Variants in DACH1 observed in about 807,000 individuals in gnomAD.
DACH1 encodes dachshund family transcription factor 1, also known as dachshund homolog 1.
DACH1 carries 12 observed loss-of-function variants against 54.2 expected under a neutral mutation model. The observed-to-expected ratio is 0.22, with a 90% CI of 0.14 to 0.36. The LOEUF (loss-of-function observed/expected upper bound fraction) is 0.36, where lower values mean the gene tolerates loss of function less well. DACH1 is among the 10% of genes least tolerant of loss of function. The pLI is 1.00. For missense variants in DACH1, 805 were observed against 929.8 expected (o/e 0.87, Z 1.75); for synonymous variants, 386 against 366.2 (o/e 1.05, Z -0.62).
intron 10 of DACH1, among the ~76,000 whole-genome samples, chr13:71,459,242 C>A (rs1038805189): frequency 5.3e-5 from 8 of 151,758 alleles, no homozygotes; most frequent in Non-Finnish European, 1.0e-4. Context: ...GTATTAAAAA[C>A]AAAGAGCTAT....
Position 71,616,057 on chromosome 13 carries a change from AAAAC to A in DACH1, c.1126+14495_1126+14498del, listed in dbSNP as rs74716699. On this transcript the variant is annotated intron_variant, in intron 3 of 10. Coordinates refer to ENST00000613252, the MANE Select transcript of DACH1 (RefSeq NM_080759.6). Reference sequence around the variant, plus strand: ...AGGCAAAAATGTCCTAACAATGGCAAAAACAAACAAACAAACAAAAAAGTCATGT... The same window carrying A: ...AGGCAAAAATGTCCTAACAATGGCAAAAACAAACAAACAAAAAAGTCATGT... 1.3e-3 allele frequency among the ~76,000 whole-genome samples: 200 copies of A among 152,284 alleles called. 1 individual carries two copies. The highest frequency in any genetic ancestry group is 4.4e-3 in the African/African-American group (184 of 41,566).
intron 10 of DACH1, among the ~76,000 whole-genome samples, chr13:71,474,305 T>C (rs905863673): frequency 1.3e-4 from 20 of 152,304 alleles, no homozygotes; most frequent in Admixed American, 1.1e-3. Context: ...TAACGTCATA[T>C]GATATCCTAA....
At chr13:71,621,738 G>C (rs888389315) in intron 3 of DACH1, among the ~76,000 whole-genome samples, 2 of 152,008 alleles carry the variant, frequency 1.3e-5, no homozygotes, top group African/African-American at 4.8e-5. Context: ...TAGAGCTAAA[G>C]GCATGGTCTG....
chr13:71,866,536 G>GCCGCCC lies in DACH1; in HGVS notation c.233_234insGGGCGG (p.Gly80_Gly81dup). 5 of 1,227,288 alleles carry GCCGCCC rather than the reference G, an allele frequency of 4.1e-6. No homozygotes were observed. The highest frequency in any genetic ancestry group is 5.1e-6 in the Non-Finnish European group (5 of 981,032). The allele number at this position is 1,227,288 out of a possible 1,614,324, so 76.0% of individuals were successfully genotyped here. On this transcript the variant is annotated inframe_insertion, in exon 1 of 11. Transcript: ENST00000613252. Reference sequence around the variant, plus strand: ...CGCCGCCGCCTCCGCTGCCGCCGCCGCCGCCGCCGCCGCCGGTAGAGGTGA... The same window carrying GCCGCCC: ...CGCCGCCGCCTCCGCTGCCGCCGCCGCCGCCCCCGCCGCCGCCGCCGGTAGAGGTGA...
At chr13:71,653,905 G>A (rs1398203508) in intron 2 of DACH1, among the ~76,000 whole-genome samples, 9 of 151,872 alleles carry the variant, frequency 5.9e-5, no homozygotes, top group South Asian at 2.1e-4. Flanking sequence ...GATCTTAAAT[G>A]TTCTCATCAG....
chr13:71,812,473 G>A lies in DACH1; in HGVS notation c.848+53449C>T, dbSNP rs1450581336. Among the ~76,000 whole-genome samples the A allele has an allele frequency of 3.3e-5, 5 of 151,948 alleles. No homozygotes were observed. In the South Asian group the frequency reaches 1.0e-3, roughly 32 times the overall value. On this transcript the variant is annotated intron_variant, in intron 1 of 10. Coordinates refer to ENST00000613252, the MANE Select transcript of DACH1 (RefSeq NM_080759.6). Reference sequence around the variant, plus strand: ...ATTCCAAAATTTTATGCTATAATCAGTATTTAGAGGACAGGTCAAAGGTGG... The same window carrying A: ...ATTCCAAAATTTTATGCTATAATCAATATTTAGAGGACAGGTCAAAGGTGG...
intron 6 of DACH1, among the ~76,000 whole-genome samples, chr13:71,554,529 T>G (rs778277725): frequency 6.6e-6 from 1 of 152,144 alleles, no homozygotes; most frequent in Admixed American, 6.6e-5. Flanking sequence ...AATGTTCTAA[T>G]GTGTTTCATA....
Position 71,510,246 on chromosome 13 carries a change from C to T in DACH1, c.1571-21098G>A, listed in dbSNP as rs116478548. On this transcript the variant is annotated intron_variant, in intron 6 of 10. Transcript: ENST00000613252. ...CTTCTGACCTTTTCTCTTTGCTATA[C>T]GAATCCTCTAATGATCTCATTCAGA... is the stretch of plus-strand genomic sequence containing the variant. 4.7e-3 allele frequency among the ~76,000 whole-genome samples: 714 copies of T among 152,078 alleles called. 3 individuals carry two copies. The highest frequency in any genetic ancestry group is 0.016 in the African/African-American group (668 of 41,510).
chr13:71,552,861 A>AGC (rs1883965595), intron 6 of DACH1, among the ~76,000 whole-genome samples: 1 of 128,498 alleles, frequency 7.8e-6, no homozygotes, highest in Non-Finnish European at 1.6e-5. Context: ...AGAGAGAGAG[A>AGC]GAGAGAGAGA....
intron 10 of DACH1, among the ~76,000 whole-genome samples, chr13:71,441,120 G>A (rs983865009): frequency 2.7e-4 from 41 of 151,986 alleles, no homozygotes; most frequent in Admixed American, 1.0e-3. Flanking sequence ...TAGCAGTGTT[G>A]TTAAATATAC....
At chr13:71,619,116 A>G (rs1353270250) in intron 3 of DACH1, among the ~76,000 whole-genome samples, 5 of 151,046 alleles carry the variant, frequency 3.3e-5, no homozygotes, top group Non-Finnish European at 7.4e-5. Context: ...ATATGTGTGT[A>G]TATATATATA....
intron 2 of DACH1, among the ~76,000 whole-genome samples, chr13:71,648,427 G>T (rs1453456616): frequency 6.6e-6 from 1 of 152,128 alleles, no homozygotes. Context: ...GGGGACTAGG[G>T]TGAAAGGGAG....
chr13:71,852,672 A>G (rs1183771588), intron 1 of DACH1, among the ~76,000 whole-genome samples: 2 of 152,200 alleles, frequency 1.3e-5, no homozygotes, highest in East Asian at 1.9e-4. Flanking sequence ...CACCAAATAC[A>G]AATAAAATGC....
intron 1 of DACH1, among the ~76,000 whole-genome samples, chr13:71,863,691 G>C (rs1874502466): frequency 6.6e-6 from 1 of 151,814 alleles, no homozygotes; most frequent in Non-Finnish European, 1.5e-5. Context: ...TCAAATCTAG[G>C]CAAAAATTCA....
chr13:71,828,862 C>T (rs1043699046), intron 1 of DACH1, among the ~76,000 whole-genome samples: 5 of 151,858 alleles, frequency 3.3e-5, no homozygotes, highest in East Asian at 1.9e-4. Flanking sequence ...GACATCACTA[C>T]GGCTGTTGCC....
chr13:71,462,910 ACACACAT>A (rs2138143345), intron 10 of DACH1, among the ~76,000 whole-genome samples: 1 of 15,992 alleles, frequency 6.3e-5, no homozygotes, highest in African/African-American at 8.4e-5. Flanking sequence ...ACACACACAC[ACACACAT>A]AAACCATGAA....
At chr13:71,783,975 A>C (rs1056139983) in intron 1 of DACH1, among the ~76,000 whole-genome samples, 12 of 150,894 alleles carry the variant, frequency 8.0e-5, no homozygotes, top group Non-Finnish European at 1.3e-4. Flanking sequence ...AAAAAAAAAA[A>C]AAAAACAAAA....
At chr13:71,734,200 C>T (rs1737991575) in intron 1 of DACH1, among the ~76,000 whole-genome samples, 1 of 89,738 alleles carries the variant, frequency 1.1e-5, no homozygotes, top group Admixed American at 1.2e-4. Flanking sequence ...TACGTATACC[C>T]ATATATATGT....
chr13:71,479,082 T>C (rs1877814745), intron 8 of DACH1, 87 bp downstream of exon 8: 3 of 1,276,188 alleles, frequency 2.4e-6, no homozygotes, highest in Non-Finnish European at 3.1e-6. Flanking sequence ...ACAAAAATAC[T>C]ACAATTTCAA....
Sources: gnomAD v4.1 joint callset for allele counts (sites outside exome capture counted in the v4.1 genomes callset) on GRCh38, gnomAD v4.1.1 for gene constraint, MANE v1.5 for transcripts, NCBI Gene and HGNC (gene_info 2026-07-23, HGNC 2026-07-21) for gene names.